The following NRXN1 variants were observed in gnomAD, a reference collection of about 807,000 sequenced individuals.
NRXN1 encodes the protein neurexin 1, also known as neurexin-1.
Under a neutral mutation model 150.9 loss-of-function variants are expected in NRXN1, and 39 were observed. The ratio of observed to expected loss-of-function variants is 0.26; its 90% confidence interval spans 0.20 to 0.34. The LOEUF (loss-of-function observed/expected upper bound fraction) is 0.34, where lower values mean the gene tolerates loss of function less well. Ranked by LOEUF, NRXN1 falls within the 10% of genes least tolerant of loss-of-function variation. The pLI, the probability that NRXN1 is intolerant of heterozygous loss-of-function variation, is 1.00. For synonymous variants in NRXN1, 924 were observed against 757.0 expected, an observed-to-expected ratio of 1.22 and a Z score of -3.62; for missense variants, 1,815 against 1,949.9, an observed-to-expected ratio of 0.93 and a Z score of 1.30.
At chr2:50,649,459 T>G (rs571947101) in intron 5 of NRXN1, among the ~76,000 whole-genome samples, 1 of 151,956 alleles carries the variant, frequency 6.6e-6, no homozygotes, top group Non-Finnish European at 1.5e-5. Flanking sequence ...CTAGGGGAGG[T>G]GCAAATGAGA....
chr2:50,313,007 TATC>T (rs2075302427), intron 17 of NRXN1, among the ~76,000 whole-genome samples: 2 of 151,980 alleles, frequency 1.3e-5, no homozygotes, highest in South Asian at 4.1e-4. Flanking sequence ...TAATAATATA[TATC>T]AAGAAATAAG....
At chr2:50,439,799 A>G (rs1187686318) in intron 17 of NRXN1, among the ~76,000 whole-genome samples, 1 of 147,578 alleles carries the variant, frequency 6.8e-6, no homozygotes, top group Non-Finnish European at 1.5e-5. Context: ...CCTGGGCAAC[A>G]GAGTGAGACT....
chr2:50,402,189 G>T (rs143342533), intron 17 of NRXN1, among the ~76,000 whole-genome samples: 3 of 152,028 alleles, frequency 2.0e-5, no homozygotes, highest in African/African-American at 7.3e-5. Context: ...TTTGCTCTAG[G>T]TACCTAGGGA....
At chr2:50,946,413 G>GT (rs2104541098) in intron 2 of NRXN1, among the ~76,000 whole-genome samples, 1 of 152,208 alleles carries the variant, frequency 6.6e-6, no homozygotes, top group African/African-American at 2.4e-5. Context: ...TCCCAAATGT[G>GT]TATCTATTGA....
At chr2:50,092,694 TC>T (rs1487722553) in intron 18 of NRXN1, among the ~76,000 whole-genome samples, 1 of 152,178 alleles carries the variant, frequency 6.6e-6, no homozygotes, top group African/African-American at 2.4e-5. Flanking sequence ...TTACGGAAAA[TC>T]TTTTTCAAAA....
intron 18 of NRXN1, among the ~76,000 whole-genome samples, chr2:50,182,143 A>G (rs764701240): frequency 1.4e-5 from 2 of 144,106 alleles, no homozygotes; most frequent in Non-Finnish European, 3.0e-5. Flanking sequence ...GATTTTATCA[A>G]AACCATATAG....
At chr2:50,451,334 T>A (rs1363682880) in intron 17 of NRXN1, among the ~76,000 whole-genome samples, 1 of 152,186 alleles carries the variant, frequency 6.6e-6, no homozygotes, top group Non-Finnish European at 1.5e-5. Context: ...AGTATAAATG[T>A]TTTCCTGGTT....
intron 5 of NRXN1, among the ~76,000 whole-genome samples, chr2:50,699,082 A>T (rs1268974780): frequency 2.0e-5 from 3 of 152,226 alleles, no homozygotes; most frequent in Non-Finnish European, 4.4e-5. Flanking sequence ...TCAGACAGTC[A>T]TGGTGCAGCC....
intron 17 of NRXN1, among the ~76,000 whole-genome samples, chr2:50,309,148 G>A (rs1443706297): frequency 6.6e-6 from 1 of 152,110 alleles, no homozygotes; most frequent in Non-Finnish European, 1.5e-5. Flanking sequence ...GTTATTTGAT[G>A]CATTTCATTT....
intron 17 of NRXN1, among the ~76,000 whole-genome samples, chr2:50,297,733 A>G (rs1486149187): frequency 6.6e-6 from 1 of 152,192 alleles, no homozygotes; most frequent in Non-Finnish European, 1.5e-5. Flanking sequence ...CTAAAACTCT[A>G]AAGTGTAATG....
chr2:50,665,465 T>C lies in NRXN1; in HGVS notation c.833-41850A>G, dbSNP rs1179824908. 4.6e-5 allele frequency among the ~76,000 whole-genome samples: 7 copies of C among 151,876 alleles called. 1 individual carries two copies. Among genetic ancestry groups the C allele is most frequent in the South Asian group, 2.1e-4 (1 of 4,826 alleles). On this transcript the variant is annotated intron_variant, in intron 5 of 22. Transcript: ENST00000401669. ...TTCTGAAATTCCCCTACTAGATAAATAATCTGCCGAATCAAATAACTGATC... is the reference window on the plus strand; with the variant it reads ...TTCTGAAATTCCCCTACTAGATAAACAATCTGCCGAATCAAATAACTGATC...
intron 5 of NRXN1, among the ~76,000 whole-genome samples, chr2:50,702,253 C>T (rs1288949974): frequency 2.6e-5 from 4 of 151,928 alleles, no homozygotes; most frequent in Non-Finnish European, 5.9e-5. Flanking sequence ...CATTGAACTC[C>T]TTTTCCAGAT....
At chr2:50,448,829 G>A (rs768702224) in intron 17 of NRXN1, among the ~76,000 whole-genome samples, 1 of 151,890 alleles carries the variant, frequency 6.6e-6, no homozygotes, top group Non-Finnish European at 1.5e-5. Context: ...AGAAGCACGT[G>A]GCTCCACATA....
At chr2:50,002,910 A>G (rs1684175343) in intron 21 of NRXN1, among the ~76,000 whole-genome samples, 4 of 152,162 alleles carry the variant, frequency 2.6e-5, no homozygotes, top group African/African-American at 9.6e-5. Flanking sequence ...GGGCAGAACA[A>G]ATACATGACA....
At chr2:50,156,252 T>C (rs1487271110) in intron 18 of NRXN1, among the ~76,000 whole-genome samples, 1 of 151,814 alleles carries the variant, frequency 6.6e-6, no homozygotes, top group African/African-American at 2.4e-5. Flanking sequence ...TAAAGGGATC[T>C]CTCTCTAGGT....
intron 5 of NRXN1, among the ~76,000 whole-genome samples, chr2:50,754,283 C>G (rs957085469): frequency 2.4e-4 from 37 of 151,940 alleles, no homozygotes; most frequent in African/African-American, 8.9e-4. Context: ...GTTCATGATA[C>G]ATATACACAC....
chr2:50,477,145 G>A (rs544740657), intron 15 of NRXN1, among the ~76,000 whole-genome samples: 2 of 152,072 alleles, frequency 1.3e-5, no homozygotes, highest in African/African-American at 4.8e-5. Flanking sequence ...AGAATAAAAG[G>A]CTTGACTGGA....
At chr2:50,529,870 T>C (rs2093053155) in intron 11 of NRXN1, among the ~76,000 whole-genome samples, 1 of 152,190 alleles carries the variant, frequency 6.6e-6, no homozygotes, top group Admixed American at 6.6e-5. Context: ...TAGTATTTTT[T>C]TAACCTTAAT....
chr2:50,279,936 T>C (rs1172144175), intron 17 of NRXN1, among the ~76,000 whole-genome samples: 1 of 152,158 alleles, frequency 6.6e-6, no homozygotes, highest in African/African-American at 2.4e-5. Flanking sequence ...TGTCTTGAAA[T>C]TGTAGTTCAG....
Sources: gnomAD v4.1 joint callset for allele counts (sites outside exome capture counted in the v4.1 genomes callset) on GRCh38, gnomAD v4.1.1 for gene constraint, MANE v1.5 for transcripts, NCBI Gene and HGNC (gene_info 2026-07-23, HGNC 2026-07-21) for gene names.